Variants in RHOU observed in about 807,000 individuals in gnomAD.
RHOU encodes ras homolog family member U, also known as rho-related GTP-binding protein RhoU.
A neutral mutation model predicts 12.6 loss-of-function variants in RHOU; 8 were observed. The observed-to-expected ratio is 0.64, with a 90% CI of 0.37 to 1.15. The LOEUF is 1.15. Ranked by LOEUF, RHOU falls within the 50% of genes most tolerant of loss-of-function variation. The pLI, the probability that RHOU is intolerant of heterozygous loss-of-function variation, is 0.01. For synonymous variants in RHOU, 161 were observed against 147.4 expected (o/e 1.09, Z -0.67); for missense variants, 258 against 347.0 (o/e 0.74, Z 2.04).
chr1:228,686,836 G>A, the RHOU span, among the ~76,000 whole-genome samples: 1 of 152,030 alleles, frequency 6.6e-6, no homozygotes, highest in South Asian at 2.1e-4. Context: ...CGCTTCCAGG[G>A]TTCAAGTGAT....
the RHOU span, among the ~76,000 whole-genome samples, chr1:228,657,859 T>C: frequency 6.6e-6 from 1 of 152,160 alleles, no homozygotes; most frequent in African/African-American, 2.4e-5. Flanking sequence ...GAGTTAAAAA[T>C]CAATAATAGA....
At chr1:228,651,323 C>CA in the RHOU span, 1 of 166,814 alleles carries the variant, frequency 6.0e-6, no homozygotes, top group Non-Finnish European at 1.4e-5. Flanking sequence ...AGTGCCCACC[C>CA]ACTGGACAGT....
At chr1:228,705,165 A>G in the RHOU span, among the ~76,000 whole-genome samples, 65 of 152,088 alleles carry the variant, frequency 4.3e-4, no homozygotes, top group Non-Finnish European at 6.8e-4. Context: ...GTTTCTGCAC[A>G]TCGGTAGGCA....
the RHOU span, among the ~76,000 whole-genome samples, chr1:228,646,906 C>G: frequency 7.9e-5 from 12 of 151,656 alleles, no homozygotes; most frequent in South Asian, 2.1e-3. Context: ...AGACAGCGAT[C>G]GAGAGAGACC....
At chr1:228,741,789 C>T (rs776326198) in intron 2 of RHOU, among the ~76,000 whole-genome samples, 37 of 152,152 alleles carry the variant, frequency 2.4e-4, no homozygotes, top group Non-Finnish European at 4.4e-4. Context: ...ACTATAGGCA[C>T]GTGCCACCAC....
upstream of RHOU, among the ~76,000 whole-genome samples, chr1:228,731,120 G>A (rs1238348399): frequency 6.6e-6 from 1 of 152,160 alleles, no homozygotes; most frequent in African/African-American, 2.4e-5. Flanking sequence ...TTAATACTGT[G>A]CTAGGGGAAG....
the RHOU span, among the ~76,000 whole-genome samples, chr1:228,728,899 C>CTTT: frequency 0.012 from 1,668 of 141,834 alleles, 48 homozygotes; most frequent in African/African-American, 0.04. Flanking sequence ...CTTTTCTTTT[C>CTTT]TTTTTTTTTT....
At chr1:228,669,606 A>G in the RHOU span, among the ~76,000 whole-genome samples, 4 of 152,222 alleles carry the variant, frequency 2.6e-5, no homozygotes, top group East Asian at 7.7e-4. Context: ...TGTTATTGGA[A>G]TAGAACTAAA....
chr1:228,697,185 A>T, the RHOU span, among the ~76,000 whole-genome samples: 2 of 152,216 alleles, frequency 1.3e-5, no homozygotes, highest in African/African-American at 4.8e-5. Flanking sequence ...CTTTCAAGAG[A>T]CATGGCAACT....
chr1:228,698,879 T>C, the RHOU span, among the ~76,000 whole-genome samples: 7 of 152,214 alleles, frequency 4.6e-5, no homozygotes, highest in Non-Finnish European at 8.8e-5. Flanking sequence ...CATGAGTGTA[T>C]ACAAGACCCC....
At chr1:228,684,067 T>C in the RHOU span, among the ~76,000 whole-genome samples, 2 of 152,246 alleles carry the variant, frequency 1.3e-5, no homozygotes, top group Non-Finnish European at 2.9e-5. Flanking sequence ...AGACGGAGTC[T>C]TGCTCTGTCG....
the RHOU span, among the ~76,000 whole-genome samples, chr1:228,702,018 C>T: frequency 6.6e-6 from 1 of 151,394 alleles, no homozygotes; most frequent in Non-Finnish European, 1.5e-5. Context: ...GATATGTTTG[C>T]TCAAATTTTT....
intron 2 of RHOU, among the ~76,000 whole-genome samples, chr1:228,742,445 A>G (rs941464696): frequency 6.6e-6 from 1 of 152,164 alleles, no homozygotes; most frequent in Non-Finnish European, 1.5e-5. Flanking sequence ...CCACTTCTCT[A>G]TACTTTAAGG....
At chr1:228,687,794 G>A in the RHOU span, 1 of 1,338,710 alleles carries the variant, frequency 7.5e-7, no homozygotes, top group Admixed American at 1.7e-5. Context: ...TCTTAGACAA[G>A]CACACCCTGG....
At chr1:228,698,641 A>T in the RHOU span, among the ~76,000 whole-genome samples, 1 of 152,252 alleles carries the variant, frequency 6.6e-6, no homozygotes, top group African/African-American at 2.4e-5. Flanking sequence ...GGAAGAAAAG[A>T]CCTAACAAAT....
At chr1:228,741,563 C>T (rs181794147) in intron 2 of RHOU, among the ~76,000 whole-genome samples, 1 of 152,248 alleles carries the variant, frequency 6.6e-6, no homozygotes, top group African/African-American at 2.4e-5. Context: ...ACAGAGGGAG[C>T]ATTCCATTAA....
chr1:228,647,998 A>G, the RHOU span: 3 of 152,260 alleles, frequency 2.0e-5, no homozygotes, highest in African/African-American at 7.2e-5. Context: ...AGATCAGAGG[A>G]GACCGGACGC....
the RHOU span, among the ~76,000 whole-genome samples, chr1:228,704,188 C>T: frequency 2.2e-4 from 33 of 152,194 alleles, no homozygotes; most frequent in Non-Finnish European, 3.1e-4. Flanking sequence ...CAAGTTGTTC[C>T]GCCTTACCAG....
chr1:228,699,390 G>A, the RHOU span, among the ~76,000 whole-genome samples: 6 of 139,228 alleles, frequency 4.3e-5, no homozygotes, highest in African/African-American at 1.3e-4. Flanking sequence ...TGAGACTGCA[G>A]TGAGACATGA....
Sources: allele counts gnomAD v4.1 joint callset (sites outside exome capture counted in the v4.1 genomes callset), GRCh38; gene constraint gnomAD v4.1.1; transcripts MANE v1.5; gene names NCBI Gene and HGNC (gene_info 2026-07-23, HGNC 2026-07-21).